The following NMT2 variants were observed in gnomAD, a reference collection of about 807,000 sequenced individuals.
The protein encoded by NMT2 is N-myristoyltransferase 2, also known as glycylpeptide N-tetradecanoyltransferase 2.
Under a neutral mutation model 65.4 loss-of-function variants are expected in NMT2, and 35 were observed. The observed-to-expected ratio is 0.54, with a 90% CI of 0.41 to 0.71. The LOEUF (loss-of-function observed/expected upper bound fraction) is 0.71, where lower values mean the gene tolerates loss of function less well. NMT2 is among the 30% of genes least tolerant of loss of function. The pLI is 0.00. For synonymous variants in NMT2, 226 were observed against 231.8 expected (o/e 0.98, Z 0.23); for missense variants, 489 against 611.3 (o/e 0.80, Z 2.11).
intron 10 of NMT2, among the ~76,000 whole-genome samples, chr10:15,112,006 G>T (rs1394353512): frequency 1.3e-5 from 2 of 149,830 alleles, no homozygotes; most frequent in Non-Finnish European, 3.0e-5. Flanking sequence ...TAGAGACAGG[G>T]TTTCACCATG....
chr10:15,133,213 G>C (rs764216501), intron 4 of NMT2, 32 bp downstream of exon 4: 2 of 1,598,252 alleles, frequency 1.3e-6, no homozygotes, highest in Non-Finnish European at 1.7e-6. Flanking sequence ...GTGAATGCAG[G>C]AGTTGAATTT....
At chr10:15,152,760 C>T (rs1832846756) in intron 1 of NMT2, among the ~76,000 whole-genome samples, 2 of 152,132 alleles carry the variant, frequency 1.3e-5, no homozygotes, top group Admixed American at 1.3e-4. Flanking sequence ...TTCCAAAGTC[C>T]AAGGGAGGGT....
chr10:15,160,193 C>T (rs1041796804), intron 1 of NMT2, among the ~76,000 whole-genome samples: 1 of 152,176 alleles, frequency 6.6e-6, no homozygotes, highest in Non-Finnish European at 1.5e-5. Context: ...GTAATCAGAC[C>T]TCCCTCCCTC....
Position 15,145,267 on chromosome 10 carries a change from T to C in NMT2, c.111-3710A>G, listed in dbSNP as rs1334113764. Among the ~76,000 whole-genome samples the C allele has an allele frequency of 2.0e-5, 3 of 152,140 alleles. No individual in the cohort carries two copies. The East Asian group carries it at 5.8e-4, about 29-fold the overall frequency. On this transcript the variant is annotated intron_variant, in intron 1 of 11. Coordinates refer to ENST00000378165, the MANE Select transcript of NMT2 (RefSeq NM_004808.3). ...GGGAAGATGGAGGGCTTGGGCATGA[T>C]TAAGGGATGTGGGTTTATTTTGGGA... is the stretch of plus-strand genomic sequence containing the variant.
At chr10:15,109,618 G>A in intron 11 of NMT2, 84 bp downstream of exon 11, 1 of 1,007,050 alleles carries the variant, frequency 9.9e-7, no homozygotes, top group Non-Finnish European at 1.4e-6. Context: ...ATAAAATAAA[G>A]CTGTCTTAAG....
At chr10:15,122,760 T>C (rs892807313) in intron 8 of NMT2, among the ~76,000 whole-genome samples, 10 of 152,172 alleles carry the variant, frequency 6.6e-5, no homozygotes, top group African/African-American at 2.4e-4. Context: ...AGAGCTTTGC[T>C]TATGTGGGTT....
intron 1 of NMT2, among the ~76,000 whole-genome samples, chr10:15,156,411 T>A (rs1833000057): frequency 6.6e-6 from 1 of 152,136 alleles, no homozygotes; most frequent in Admixed American, 6.5e-5. Context: ...GAACTGTGAG[T>A]CAATTAAACC....
At chr10:15,145,475 G>A (rs1216847142) in intron 1 of NMT2, among the ~76,000 whole-genome samples, 1 of 152,180 alleles carries the variant, frequency 6.6e-6, no homozygotes, top group African/African-American at 2.4e-5. Context: ...TGCCTCCTGT[G>A]TTCAAGTGAT....
intron 1 of NMT2, among the ~76,000 whole-genome samples, chr10:15,160,799 G>A (rs530160227): frequency 2.6e-5 from 4 of 151,684 alleles, no homozygotes; most frequent in Non-Finnish European, 4.4e-5. Flanking sequence ...AAGGACAGGC[G>A]ATCCCAGCAT....
At chr10:15,155,535 G>GTTT (rs71390015) in intron 1 of NMT2, among the ~76,000 whole-genome samples, 14 of 59,390 alleles carry the variant, frequency 2.4e-4, no homozygotes, top group Non-Finnish European at 3.2e-4. Context: ...TGCCGGGCTA[G>GTTT]TTTTTTTTTT....
intron 1 of NMT2, among the ~76,000 whole-genome samples, chr10:15,157,243 CTG>C: frequency 6.6e-6 from 1 of 152,134 alleles, no homozygotes; most frequent in African/African-American, 2.4e-5. Flanking sequence ...AAAACAGAAA[CTG>C]TAAAGGTGAC....
At chr10:15,147,897 A>G (rs1371340431) in intron 1 of NMT2, among the ~76,000 whole-genome samples, 1 of 152,248 alleles carries the variant, frequency 6.6e-6, no homozygotes, top group Non-Finnish European at 1.5e-5. Context: ...TTTTGAGTAC[A>G]CCAAAGTTAA....
At chr10:15,155,410 C>G (rs575565633) in intron 1 of NMT2, 4 of 579,482 alleles carry the variant, frequency 6.9e-6, no homozygotes, top group South Asian at 3.8e-5. Context: ...ACTCTGTCAT[C>G]CAGGCTGAAG....
chr10:15,168,372 G>A, intron 1 of NMT2, 131 bp downstream of exon 1: 2 of 583,286 alleles, frequency 3.4e-6, no homozygotes, highest in Non-Finnish European at 5.7e-6. Flanking sequence ...TGGGCTCCGC[G>A]CCACGGAGAA....
In NMT2 at chr10:15,141,567, A is replaced by G; in HGVS notation, c.111-10T>C. Reference sequence around the variant, plus strand: ...ATACCCTCCAGGACTTCTGCAGGAAATGCAAAGATGGTGAAACCAACCAAC... The same window carrying G: ...ATACCCTCCAGGACTTCTGCAGGAAGTGCAAAGATGGTGAAACCAACCAAC... On this transcript the variant is annotated splice_polypyrimidine_tract_variant and intron_variant, in intron 1 of 11. Coordinates refer to ENST00000378165, the MANE Select transcript of NMT2 (RefSeq NM_004808.3). 1 of 1,601,804 alleles carries G rather than the reference A, an allele frequency of 6.2e-7. No homozygotes were observed. Among genetic ancestry groups the G allele is most frequent in the South Asian group, 1.1e-5 (1 of 89,624 alleles).
intron 2 of NMT2, among the ~76,000 whole-genome samples, chr10:15,136,008 C>T (rs922751464): frequency 6.6e-6 from 1 of 152,102 alleles, no homozygotes; most frequent in African/African-American, 2.4e-5. Context: ...GGGCAGATCA[C>T]GTGAGGTCAG....
chr10:15,109,501 G>A (rs978680784), intron 11 of NMT2, among the ~76,000 whole-genome samples: 3 of 152,268 alleles, frequency 2.0e-5, no homozygotes, highest in Middle Eastern at 3.4e-3. Context: ...AACCTGGGAG[G>A]CGGAGGTTGC....
chr10:15,108,251 G>C lies in NMT2; in HGVS notation c.*944C>G, dbSNP rs908665521. The stretch of plus-strand genomic sequence containing the variant: ...CACCCAGGCTGGAGTGCAGTGGCTC[G>C]ATCTCGGCTCACTGCAACCTCACCT... On this transcript the variant is annotated 3_prime_UTR_variant, in exon 12 of 12. Coordinates refer to ENST00000378165, the MANE Select transcript of NMT2 (RefSeq NM_004808.3). The C allele has an allele frequency of 1.8e-4, 160 of 903,934 alleles. No individual in the cohort carries two copies. Among genetic ancestry groups the C allele is most frequent in the Non-Finnish European group, 2.0e-4 (153 of 757,780 alleles). 56.0% of individuals were successfully genotyped at this position (903,934 alleles called of 1,614,324 possible). A position where few individuals can be genotyped will look rare whatever the true frequency, so the allele number is the denominator to read the frequency against.
At chr10:15,160,689 G>A (rs745665036) in intron 1 of NMT2, among the ~76,000 whole-genome samples, 3 of 151,992 alleles carry the variant, frequency 2.0e-5, no homozygotes, top group East Asian at 1.9e-4. Context: ...CAGGAGAATC[G>A]CTTGAACCTG....
Sources: allele counts gnomAD v4.1 joint callset (sites outside exome capture counted in the v4.1 genomes callset), GRCh38; gene constraint gnomAD v4.1.1; transcripts MANE v1.5; gene names NCBI Gene and HGNC (gene_info 2026-07-23, HGNC 2026-07-21).